The following CCSER1 variants were observed in gnomAD, a reference collection of about 807,000 sequenced individuals.
CCSER1 encodes serine-rich coiled-coil domain-containing protein 1.
In CCSER1, 41 loss-of-function variants were observed where a neutral mutation model predicts 82.0. That is an observed-to-expected ratio of 0.50 (90% CI 0.39 to 0.65). CCSER1 has a LOEUF of 0.65. Ranked by LOEUF, CCSER1 falls within the 30% of genes least tolerant of loss-of-function variation. The pLI, the probability that CCSER1 is intolerant of heterozygous loss-of-function variation, is 0.00. For missense variants in CCSER1, 1,119 were observed against 1,064.2 expected (o/e 1.05, Z -0.72); for synonymous variants, 414 against 383.9 (o/e 1.08, Z -0.92).
At chr4:90,829,500 G>C (rs1760871946) in intron 8 of CCSER1, among the ~76,000 whole-genome samples, 1 of 152,128 alleles carries the variant, frequency 6.6e-6, no homozygotes, top group Non-Finnish European at 1.5e-5. Context: ...TGTTAGTGGT[G>C]GTAGAGATCC....
At position 91,128,978 on chromosome 4, in the gene CCSER1, T is replaced by C. The variant is rs1581608567; in HGVS notation, c.2217+42984T>C. ...CATTATCTCACGTAACAAGAAGGTATAGCGATATAAGGTGGATTCAGGGAT... is the reference window on the plus strand; with the variant it reads ...CATTATCTCACGTAACAAGAAGGTACAGCGATATAAGGTGGATTCAGGGAT... On this transcript the variant is annotated intron_variant, in intron 10 of 10. Transcript: ENST00000509176. 3.9e-5 allele frequency among the ~76,000 whole-genome samples: 6 copies of C among 152,182 alleles called. 1 individual carries two copies. In the Middle Eastern group the frequency reaches 0.02, roughly 518 times the overall value.
At chr4:91,415,809 C>A (rs1016283666) in intron 10 of CCSER1, among the ~76,000 whole-genome samples, 1 of 152,032 alleles carries the variant, frequency 6.6e-6, no homozygotes, top group African/African-American at 2.4e-5. Context: ...ATTTCGTTTG[C>A]CAGTATTTTA....
chr4:90,127,400 C>A lies in CCSER1; in HGVS notation c.-473C>A, dbSNP rs1354613423. 6.6e-6 allele frequency: 1 copy of A among 152,324 alleles called. No individual in the cohort carries two copies. The highest frequency in any genetic ancestry group is 1.5e-5 in the Non-Finnish European group (1 of 68,158). 9.4% of individuals were successfully genotyped at this position (152,324 alleles called of 1,614,324 possible). A position where few individuals can be genotyped will look rare whatever the true frequency, so the allele number is the denominator to read the frequency against. On this transcript the variant is annotated 5_prime_UTR_variant, in exon 1 of 11. Coordinates refer to ENST00000509176, the MANE Select transcript of CCSER1 (RefSeq NM_001145065.2). ...GCTTGGGCCCGCCCTCCTCACAGCC[C>A]CGGAGCGCGGCCTGCCGGGGAGGTG...
chr4:90,238,937 A>G (rs1479710836), intron 1 of CCSER1, among the ~76,000 whole-genome samples: 3 of 151,098 alleles, frequency 2.0e-5, no homozygotes, highest in Non-Finnish European at 1.5e-5. Context: ...TGCAATCTCC[A>G]TCTCCCAGGT....
chr4:91,572,573 ACT>A (rs1221787679), intron 10 of CCSER1, among the ~76,000 whole-genome samples: 1 of 151,962 alleles, frequency 6.6e-6, no homozygotes, highest in Non-Finnish European at 1.5e-5. Context: ...GGAGAATTCA[ACT>A]CTCTTTCTGC....
Position 90,381,942 on chromosome 4 carries a change from T to C in CCSER1, c.1510-18094T>C, listed in dbSNP as rs558081185. 2.0e-5 allele frequency among the ~76,000 whole-genome samples: 3 copies of C among 152,282 alleles called. No individual in the cohort carries two copies. In the South Asian group the frequency reaches 6.2e-4, roughly 32 times the overall value. ...ATTGACTGGTTTGTATCTGTGGGTT[T>C]TTAGTACTGAACTAGATTTCTGTTA... On this transcript the variant is annotated intron_variant, in intron 3 of 10. Transcript: ENST00000509176.
chr4:91,041,362 A>G (rs909511737), intron 9 of CCSER1, among the ~76,000 whole-genome samples: 3 of 152,214 alleles, frequency 2.0e-5, no homozygotes, highest in African/African-American at 4.8e-5. Context: ...GAAATGGCAA[A>G]TTATGTAAGA....
At chr4:90,198,185 C>T (rs1359088802) in intron 1 of CCSER1, among the ~76,000 whole-genome samples, 2 of 152,086 alleles carry the variant, frequency 1.3e-5, no homozygotes, top group Admixed American at 6.6e-5. Context: ...TCAACTCAAC[C>T]TTTGTTCCTT....
At chr4:91,532,831 C>T (rs1305731958) in intron 10 of CCSER1, among the ~76,000 whole-genome samples, 2 of 151,286 alleles carry the variant, frequency 1.3e-5, no homozygotes, top group Non-Finnish European at 2.9e-5. Flanking sequence ...GATCACACCA[C>T]TGCACTGCAG....
In CCSER1 at chr4:90,373,277, C is replaced by T. The variant is rs536097653; in HGVS notation, c.1510-26759C>T. ...GTGATATGATAGGGTTATATTTGGG[C>T]GTAAAGACCCATAACCACCATGATG... is the stretch of plus-strand genomic sequence containing the variant. On this transcript the variant is annotated intron_variant, in intron 3 of 10. Coordinates refer to ENST00000509176, the MANE Select transcript of CCSER1 (RefSeq NM_001145065.2). Among the ~76,000 whole-genome samples, 35 of 151,982 alleles carry T rather than the reference C, an allele frequency of 2.3e-4. 1 individual carries two copies. The Middle Eastern group carries it at 0.02, about 89-fold the overall frequency.
At chr4:91,114,191 A>G (rs949692850) in intron 10 of CCSER1, among the ~76,000 whole-genome samples, 16 of 152,162 alleles carry the variant, frequency 1.1e-4, no homozygotes, top group African/African-American at 3.6e-4. Context: ...TTAGTGATGG[A>G]CATATCCATG....
rs1307907232 is a variant in CCSER1 at position 91,259,896 on chromosome 4, A to G, written c.2217+173902A>G. 3.3e-5 allele frequency among the ~76,000 whole-genome samples: 5 copies of G among 152,180 alleles called. No homozygotes were observed. The East Asian group carries it at 9.6e-4, about 29-fold the overall frequency. Reference sequence around the variant, plus strand: ...GCTATTGTGAATAGTGCTGCAATAAACATACATGTGCATGTAAGACCTTGG... The same window carrying G: ...GCTATTGTGAATAGTGCTGCAATAAGCATACATGTGCATGTAAGACCTTGG... On this transcript the variant is annotated intron_variant, in intron 10 of 10. Coordinates refer to ENST00000509176, the MANE Select transcript of CCSER1 (RefSeq NM_001145065.2).
intron 10 of CCSER1, among the ~76,000 whole-genome samples, chr4:91,397,802 A>G (rs1017108287): frequency 6.6e-6 from 1 of 152,060 alleles, no homozygotes; most frequent in African/African-American, 2.4e-5. Flanking sequence ...AAAGGATTTC[A>G]GTGGCAATGT....
chr4:90,569,899 A>G (rs977235365), intron 5 of CCSER1, among the ~76,000 whole-genome samples: 1 of 152,156 alleles, frequency 6.6e-6, no homozygotes, highest in African/African-American at 2.4e-5. Context: ...GAGTGCCTAC[A>G]GCACAGATTC....
At chr4:90,334,805 G>A (rs2153500205) in intron 3 of CCSER1, among the ~76,000 whole-genome samples, 1 of 152,220 alleles carries the variant, frequency 6.6e-6, no homozygotes, top group East Asian at 1.9e-4. Context: ...TCAGTAGTTT[G>A]TGTACCATTC....
chr4:90,974,153 C>A (rs963492370), intron 9 of CCSER1, among the ~76,000 whole-genome samples: 1 of 151,432 alleles, frequency 6.6e-6, no homozygotes, highest in Non-Finnish European at 1.5e-5. Flanking sequence ...AGCAATGTGA[C>A]AAGATTTAAC....
chr4:90,576,403 T>C (rs1239355614), intron 5 of CCSER1, among the ~76,000 whole-genome samples: 5 of 152,132 alleles, frequency 3.3e-5, no homozygotes, highest in Non-Finnish European at 7.4e-5. Flanking sequence ...ATAGTTTACA[T>C]TACAGTTCAT....
At chr4:90,304,616 G>A (rs576165873) in intron 1 of CCSER1, among the ~76,000 whole-genome samples, 45 of 152,250 alleles carry the variant, frequency 3.0e-4, no homozygotes, top group African/African-American at 9.9e-4. Context: ...CATGGACACA[G>A]GAAGGGGAAC....
intron 3 of CCSER1, among the ~76,000 whole-genome samples, chr4:90,388,041 A>G (rs1361898845): frequency 6.6e-6 from 1 of 152,202 alleles, no homozygotes; most frequent in Non-Finnish European, 1.5e-5. Context: ...GTATATCACC[A>G]TGAGAAAGAA....
Sources: allele counts gnomAD v4.1 joint callset (sites outside exome capture counted in the v4.1 genomes callset), GRCh38; gene constraint gnomAD v4.1.1; transcripts MANE v1.5; gene names NCBI Gene and HGNC (gene_info 2026-07-23, HGNC 2026-07-21).